DNER: variants seen among roughly 807,000 people sequenced by gnomAD.
The protein encoded by DNER is delta and Notch-like epidermal growth factor-related receptor.
DNER carries 33 observed loss-of-function variants against 78.2 expected under a neutral mutation model. The observed-to-expected ratio is 0.42, with a 90% CI of 0.32 to 0.56. The LOEUF is 0.56. Among genes scored for constraint, DNER ranks in the 20% least tolerant of loss-of-function variants. The pLI is 0.11. For missense variants in DNER, 918 were observed against 975.3 expected, an observed-to-expected ratio of 0.94 and a Z score of 0.78; for synonymous variants, 417 against 384.8, an observed-to-expected ratio of 1.08 and a Z score of -0.98.
intron 6 of DNER, among the ~76,000 whole-genome samples, chr2:229,485,309 A>G (rs1405641500): frequency 6.6e-6 from 1 of 152,210 alleles, no homozygotes; most frequent in Non-Finnish European, 1.5e-5. Context: ...TAGGAAGCAA[A>G]GCCTGGCAGT....
At chr2:229,617,746 G>A (rs1357191328) in intron 1 of DNER, among the ~76,000 whole-genome samples, 1 of 152,154 alleles carries the variant, frequency 6.6e-6, no homozygotes, top group Admixed American at 6.5e-5. Context: ...TTGAGCCCAG[G>A]AGTTCAAGGC....
intron 2 of DNER, among the ~76,000 whole-genome samples, chr2:229,589,035 C>T (rs915189481): frequency 6.6e-6 from 1 of 152,172 alleles, no homozygotes; most frequent in Non-Finnish European, 1.5e-5. Context: ...GCTATACCTT[C>T]GCTTTTAAAT....
intron 12 of DNER, among the ~76,000 whole-genome samples, chr2:229,362,520 A>C (rs879781248): frequency 4.6e-5 from 7 of 152,318 alleles, no homozygotes; most frequent in Admixed American, 4.6e-4. Flanking sequence ...TGGCTTACAA[A>C]TCTCACTTAC....
intron 7 of DNER, among the ~76,000 whole-genome samples, chr2:229,449,578 ATGG>A (rs1694410898): frequency 6.6e-6 from 1 of 152,048 alleles, no homozygotes; most frequent in South Asian, 2.1e-4. Context: ...GGAAAAAAAA[ATGG>A]TGGGGGTGGG....
intron 6 of DNER, among the ~76,000 whole-genome samples, chr2:229,496,498 G>A (rs1279111142): frequency 6.6e-6 from 1 of 151,906 alleles, no homozygotes; most frequent in Non-Finnish European, 1.5e-5. Context: ...TTTCCAGGCA[G>A]AAGACATAGA....
chr2:229,463,214 G>A (rs1694738792), intron 7 of DNER, among the ~76,000 whole-genome samples: 1 of 152,068 alleles, frequency 6.6e-6, no homozygotes, highest in African/African-American at 2.4e-5. Context: ...TATGGGAAGT[G>A]TGCAGTAAAT....
chr2:229,440,626 T>A (rs1694212261), intron 8 of DNER, among the ~76,000 whole-genome samples: 1 of 152,246 alleles, frequency 6.6e-6, no homozygotes, highest in Non-Finnish European at 1.5e-5. Flanking sequence ...CTCTATATTT[T>A]TTCCCCTGGT....
chr2:229,422,672 T>C (rs545856042), intron 8 of DNER, among the ~76,000 whole-genome samples: 119 of 152,248 alleles, frequency 7.8e-4, no homozygotes, highest in Middle Eastern at 6.8e-3. Context: ...CAGGTCCAAG[T>C]GGCAGTTGGA....
At chr2:229,512,728 G>A (rs1006098172) in intron 6 of DNER, 55 bp downstream of exon 6, 117 of 1,580,746 alleles carry the variant, frequency 7.4e-5, no homozygotes, top group Non-Finnish European at 9.2e-5. Context: ...AAAAACAAGA[G>A]GTGCATGCTG....
At chr2:229,423,480 T>C (rs1407336492) in intron 8 of DNER, among the ~76,000 whole-genome samples, 1 of 151,728 alleles carries the variant, frequency 6.6e-6, no homozygotes, top group African/African-American at 2.4e-5. Context: ...CCAGGCGTGG[T>C]GGTGGGCGCC....
chr2:229,417,657 G>T (rs990936757), intron 9 of DNER, among the ~76,000 whole-genome samples: 1 of 152,148 alleles, frequency 6.6e-6, no homozygotes, highest in African/African-American at 2.4e-5. Context: ...TGTCAATGTC[G>T]CCTGTTTTTA....
rs553061060 is a variant in DNER at position 229,386,119 on chromosome 2, A to G, written c.1855+2146T>C. On this transcript the variant is annotated intron_variant, in intron 11 of 12. Coordinates refer to ENST00000341772, the MANE Select transcript of DNER (RefSeq NM_139072.4). ...AACAGCATGGTACTGGCACCAAAAC[A>G]GATGTACAGAGTAATGGAAAAGAAC... 2.1e-3 allele frequency among the ~76,000 whole-genome samples: 314 copies of G among 152,342 alleles called. 2 individuals carry two copies. The highest frequency in any genetic ancestry group is 6.9e-3 in the African/African-American group (289 of 41,586).
At chr2:229,433,602 T>C (rs986337069) in intron 8 of DNER, among the ~76,000 whole-genome samples, 1 of 152,232 alleles carries the variant, frequency 6.6e-6, no homozygotes, top group African/African-American at 2.4e-5. Flanking sequence ...CAAGTTCATA[T>C]TCAAATTCGT....
intron 1 of DNER, among the ~76,000 whole-genome samples, chr2:229,629,771 T>C (rs7591419): frequency 0.012 from 1,754 of 152,340 alleles, 34 homozygotes; most frequent in African/African-American, 0.04. Flanking sequence ...TGAGGTGGCA[T>C]TCTGAATATT....
chr2:229,625,878 G>A (rs899441702), intron 1 of DNER, among the ~76,000 whole-genome samples: 2 of 147,458 alleles, frequency 1.4e-5, no homozygotes, highest in African/African-American at 5.2e-5. Flanking sequence ...TGTCTACTAT[G>A]CAACTTTGTT....
At chr2:229,630,541 T>C (rs1295719602) in intron 1 of DNER, among the ~76,000 whole-genome samples, 1 of 150,846 alleles carries the variant, frequency 6.6e-6, no homozygotes, top group Admixed American at 6.6e-5. Flanking sequence ...TGGCAGATGT[T>C]TAAAATATGT....
intron 10 of DNER, among the ~76,000 whole-genome samples, chr2:229,389,238 G>C (rs1461636249): frequency 6.6e-6 from 1 of 151,994 alleles, no homozygotes; most frequent in African/African-American, 2.4e-5. Context: ...GCTTCAGAGA[G>C]AACCTGATAG....
intron 8 of DNER, among the ~76,000 whole-genome samples, chr2:229,430,363 T>G (rs534108822): frequency 1.3e-5 from 2 of 152,320 alleles, no homozygotes; most frequent in African/African-American, 2.4e-5. Flanking sequence ...AAGTATTGAT[T>G]CTAGCTGTGT....
chr2:229,407,293 G>A lies in DNER; in HGVS notation c.1662C>T (p.Asn554=), dbSNP rs528523117. The A allele has an allele frequency of 2.5e-6, 4 of 1,613,948 alleles. No homozygotes were observed. Among genetic ancestry groups the A allele is most frequent in the East Asian group, 2.2e-5 (1 of 44,874 alleles). The part of the protein sequence containing the change: ...KDPCANVSCL[N]GATCDSDGLN... ...GGCCGTCGCTGTCACAGGTGGCTCC[G>A]TTCAGACAGCTGACGTTAGCGCAGG... The change falls in exon 10 of 13, where the codon AAC becomes AAT. Residue 554 remains asparagine, a synonymous_variant. Coordinates refer to ENST00000341772, the MANE Select transcript of DNER (RefSeq NM_139072.4).
Sources: allele counts gnomAD v4.1 joint callset (sites outside exome capture counted in the v4.1 genomes callset), GRCh38; gene constraint gnomAD v4.1.1; transcripts MANE v1.5; gene names NCBI Gene and HGNC (gene_info 2026-07-23, HGNC 2026-07-21).